MAGI1: variants seen among roughly 807,000 people sequenced by gnomAD.
MAGI1 encodes the protein membrane-associated guanylate kinase, WW and PDZ domain-containing protein 1.
Under a neutral mutation model 139.9 loss-of-function variants are expected in MAGI1, and 58 were observed. That is an observed-to-expected ratio of 0.41 (90% confidence interval 0.34 to 0.52). MAGI1 has a LOEUF of 0.52. MAGI1 is among the 20% of genes least tolerant of loss of function. MAGI1 has a pLI of 0.12. For missense variants in MAGI1, 1,874 were observed against 1,901.6 expected, an observed-to-expected ratio of 0.99 and a Z score of 0.27; for synonymous variants, 812 against 737.9, an observed-to-expected ratio of 1.10 and a Z score of -1.63.
chr3:65,907,019 C>A (rs1240607132), intron 1 of MAGI1, among the ~76,000 whole-genome samples: 9 of 148,744 alleles, frequency 6.1e-5, no homozygotes, highest in Non-Finnish European at 1.2e-4. Context: ...AGCATTGATC[C>A]ACAAATTCAG....
chr3:65,848,906 T>G (rs542602903), intron 1 of MAGI1, among the ~76,000 whole-genome samples: 1 of 150,688 alleles, frequency 6.6e-6, no homozygotes, highest in African/African-American at 2.4e-5. Flanking sequence ...AGTGGGGCCA[T>G]GTGATTGGTT....
At chr3:65,461,779 C>T (rs535775536) in intron 5 of MAGI1, among the ~76,000 whole-genome samples, 57 of 152,140 alleles carry the variant, frequency 3.7e-4, no homozygotes, top group African/African-American at 1.2e-3. Context: ...TGAGCCACCA[C>T]GTCCAGCCTG....
chr3:65,939,520 G>C (rs17441899), intron 1 of MAGI1, among the ~76,000 whole-genome samples: 8,826 of 152,226 alleles, frequency 0.058, 367 homozygotes, highest in Middle Eastern at 0.1. Context: ...TTGTCAAATA[G>C]CCCTAACGAT....
chr3:65,806,316 C>A (rs950467335), intron 1 of MAGI1, among the ~76,000 whole-genome samples: 2 of 151,866 alleles, frequency 1.3e-5, no homozygotes, highest in Non-Finnish European at 2.9e-5. Context: ...GTGGTCCCAG[C>A]TACTCGGGAG....
chr3:65,433,688 C>A (rs1304959236), intron 10 of MAGI1, among the ~76,000 whole-genome samples: 1 of 152,000 alleles, frequency 6.6e-6, no homozygotes, highest in African/African-American at 2.4e-5. Context: ...AAAATGTACT[C>A]ATTTTCACTT....
chr3:65,693,003 C>T (rs968198130), intron 1 of MAGI1, among the ~76,000 whole-genome samples: 2 of 152,130 alleles, frequency 1.3e-5, no homozygotes, highest in African/African-American at 4.8e-5. Flanking sequence ...ACAATCATGG[C>T]TCACTGCAGC....
chr3:65,602,283 G>A (rs1316127591), intron 2 of MAGI1, among the ~76,000 whole-genome samples: 1 of 152,034 alleles, frequency 6.6e-6, no homozygotes, highest in African/African-American at 2.4e-5. Flanking sequence ...ACTCATAATA[G>A]CCAAAAAGTG....
chr3:65,607,626 T>A (rs879820379), intron 2 of MAGI1, among the ~76,000 whole-genome samples: 4 of 152,350 alleles, frequency 2.6e-5, no homozygotes, highest in Admixed American at 2.0e-4. Context: ...CTGACTATTC[T>A]TATGTGCTCC....
intron 1 of MAGI1, among the ~76,000 whole-genome samples, chr3:65,997,387 T>C (rs1219027212): frequency 6.6e-6 from 1 of 152,200 alleles, no homozygotes; most frequent in Non-Finnish European, 1.5e-5. Flanking sequence ...CCAGGCGCGG[T>C]GGCTCACGCC....
intron 1 of MAGI1, among the ~76,000 whole-genome samples, chr3:65,896,972 C>CA (rs111941475): frequency 6.6e-6 from 1 of 152,010 alleles, no homozygotes; most frequent in Non-Finnish European, 1.5e-5. Context: ...CCTTGGATAC[C>CA]AAAAATCCAC....
chr3:65,648,316 T>TGTGTGTGTGTGTGTGC (rs71102873), intron 1 of MAGI1, among the ~76,000 whole-genome samples: 1 of 143,158 alleles, frequency 7.0e-6, no homozygotes, highest in East Asian at 2.0e-4. Flanking sequence ...TGTGTGTGTG[T>TGTGTGTGTGTGTGTGC]GCGCGTGCGC....
At chr3:65,777,605 G>C (rs1464090636) in intron 1 of MAGI1, among the ~76,000 whole-genome samples, 1 of 137,354 alleles carries the variant, frequency 7.3e-6, no homozygotes, top group African/African-American at 2.7e-5. Flanking sequence ...TTGTGCCACT[G>C]CACTCCAGCC....
At chr3:65,433,029 ATCCC>A (rs1947578566) in intron 10 of MAGI1, among the ~76,000 whole-genome samples, 1 of 152,116 alleles carries the variant, frequency 6.6e-6, no homozygotes, top group Non-Finnish European at 1.5e-5. Context: ...TTTTCTTACT[ATCCC>A]CAACTCCCAT....
intron 1 of MAGI1, among the ~76,000 whole-genome samples, chr3:65,944,473 A>T (rs6445517): frequency 0.45 from 69,051 of 151,994 alleles, 16,363 homozygotes; most frequent in East Asian, 0.77. Flanking sequence ...AGACATGCTC[A>T]TAGCACTGCA....
At chr3:65,801,292 T>C (rs1442935086) in intron 1 of MAGI1, among the ~76,000 whole-genome samples, 2 of 152,210 alleles carry the variant, frequency 1.3e-5, no homozygotes, top group African/African-American at 4.8e-5. Flanking sequence ...TTTGAGTCTT[T>C]TGAGATCTAA....
At chr3:65,451,318 A>G (rs1949019034) in intron 6 of MAGI1, among the ~76,000 whole-genome samples, 1 of 152,208 alleles carries the variant, frequency 6.6e-6, no homozygotes, top group East Asian at 1.9e-4. Context: ...TGAAGACCCT[A>G]TGGTAATAAG....
intron 1 of MAGI1, among the ~76,000 whole-genome samples, chr3:65,751,659 G>C (rs1006901128): frequency 1.3e-5 from 2 of 152,184 alleles, no homozygotes; most frequent in African/African-American, 4.8e-5. Flanking sequence ...GTCTTTGCAA[G>C]TATCACTGAG....
chr3:65,926,237 A>G (rs1200038400), intron 1 of MAGI1, among the ~76,000 whole-genome samples: 1 of 152,184 alleles, frequency 6.6e-6, no homozygotes, highest in Non-Finnish European at 1.5e-5. Context: ...AATAGAAGGT[A>G]GTCTGAAAAA....
chr3:65,506,445 T>A (rs2077291905), intron 2 of MAGI1, among the ~76,000 whole-genome samples: 1 of 152,224 alleles, frequency 6.6e-6, no homozygotes, highest in South Asian at 2.1e-4. Context: ...GCACAGGTTT[T>A]CTATACATAA....
Sources: gnomAD v4.1 joint callset for allele counts (sites outside exome capture counted in the v4.1 genomes callset) on GRCh38, gnomAD v4.1.1 for gene constraint, MANE v1.5 for transcripts, NCBI Gene and HGNC (gene_info 2026-07-23, HGNC 2026-07-21) for gene names.